Variants in RALYL observed in about 807,000 individuals in gnomAD.
RALYL encodes the protein RALY RNA binding protein like.
In RALYL, 29 loss-of-function variants were observed where a neutral mutation model predicts 35.1. The observed-to-expected ratio is 0.83, with a 90% CI of 0.61 to 1.13. The LOEUF is 1.13. Ranked by LOEUF, RALYL falls within the 50% of genes most tolerant of loss-of-function variation. RALYL has a pLI of 0.00. For synonymous variants in RALYL, 120 were observed against 127.6 expected, an observed-to-expected ratio of 0.94 and a Z score of 0.40; for missense variants, 359 against 360.4, an observed-to-expected ratio of 1.00 and a Z score of 0.03.
chr8:84,758,117 A>AT (rs1811866054), intron 2 of RALYL, among the ~76,000 whole-genome samples: 1 of 152,176 alleles, frequency 6.6e-6, no homozygotes, highest in Non-Finnish European at 1.5e-5. Flanking sequence ...CTGAGGTTTT[A>AT]TTCCATTCGT....
chr8:84,624,900 C>T (rs1366168220), intron 2 of RALYL, among the ~76,000 whole-genome samples: 2 of 152,126 alleles, frequency 1.3e-5, no homozygotes, highest in Non-Finnish European at 2.9e-5. Flanking sequence ...TCCTAAACTT[C>T]TGTGCCCATA....
intron 1 of RALYL, among the ~76,000 whole-genome samples, chr8:84,448,896 C>A (rs897646425): frequency 7.9e-5 from 12 of 151,900 alleles, no homozygotes. Context: ...ACTTTGCATT[C>A]TTCAAAAACA....
chr8:84,359,890 T>TC (rs1852611936), intron 1 of RALYL, among the ~76,000 whole-genome samples: 1 of 151,782 alleles, frequency 6.6e-6, no homozygotes, highest in South Asian at 2.1e-4. Context: ...GTTTTTTTTT[T>TC]TTTTCTTTTA....
At chr8:84,224,949 C>A (rs1042834682) in intron 1 of RALYL, among the ~76,000 whole-genome samples, 1 of 152,170 alleles carries the variant, frequency 6.6e-6, no homozygotes, top group Non-Finnish European at 1.5e-5. Context: ...GCCACTGCAC[C>A]CGGCCACTTC....
chr8:84,792,000 C>G (rs1820894801), intron 3 of RALYL, among the ~76,000 whole-genome samples: 1 of 152,182 alleles, frequency 6.6e-6, no homozygotes, highest in Non-Finnish European at 1.5e-5. Context: ...GGGGAGCATG[C>G]AAACAGGCAG....
chr8:84,760,100 C>T (rs1812338801), intron 2 of RALYL, among the ~76,000 whole-genome samples: 1 of 152,018 alleles, frequency 6.6e-6, no homozygotes, highest in South Asian at 2.1e-4. Context: ...ATCCATGTAC[C>T]CTTAGATATT....
At chr8:84,696,063 T>G (rs187931597) in intron 2 of RALYL, among the ~76,000 whole-genome samples, 1 of 151,952 alleles carries the variant, frequency 6.6e-6, no homozygotes, top group East Asian at 1.9e-4. Flanking sequence ...AAGTTTGTGA[T>G]CACTTGATTA....
chr8:84,706,953 CTG>C (rs1841326774), intron 2 of RALYL, among the ~76,000 whole-genome samples: 1 of 152,146 alleles, frequency 6.6e-6, no homozygotes, highest in African/African-American at 2.4e-5. Flanking sequence ...GCAACTTACT[CTG>C]TACTCAAAGT....
intron 1 of RALYL, among the ~76,000 whole-genome samples, chr8:84,359,675 A>G (rs766938406): frequency 7.2e-5 from 11 of 152,066 alleles, no homozygotes; most frequent in Non-Finnish European, 1.0e-4. Flanking sequence ...TAAAATCTGA[A>G]TTAACTCCTG....
intron 1 of RALYL, among the ~76,000 whole-genome samples, chr8:84,470,949 T>C (rs1244575473): frequency 6.6e-6 from 1 of 152,208 alleles, no homozygotes; most frequent in African/African-American, 2.4e-5. Context: ...GTCATGTTAC[T>C]ATGGGTTAGC....
At chr8:84,237,524 A>AG (rs112454394) in intron 1 of RALYL, among the ~76,000 whole-genome samples, 15,216 of 152,138 alleles carry the variant, frequency 0.1, 1,055 homozygotes, top group African/African-American at 0.2. Flanking sequence ...TTCTGGAAAT[A>AG]ATTTTTTTAA....
chr8:84,619,455 C>A (rs28787675), intron 2 of RALYL, among the ~76,000 whole-genome samples: 2,002 of 147,724 alleles, frequency 0.014, 68 homozygotes, highest in African/African-American at 0.049. Context: ...GGTAGATCTT[C>A]CTCCATCCTT....
At chr8:84,522,249 A>ATT (rs34104122) in intron 1 of RALYL, among the ~76,000 whole-genome samples, 6,413 of 133,844 alleles carry the variant, frequency 0.048, 223 homozygotes, top group Non-Finnish European at 0.052. Flanking sequence ...TAGAAAGGAA[A>ATT]TTTTTTTTTT....
At chr8:84,469,718 G>A (rs1269313073) in intron 1 of RALYL, among the ~76,000 whole-genome samples, 2 of 152,218 alleles carry the variant, frequency 1.3e-5, no homozygotes, top group Non-Finnish European at 2.9e-5. Flanking sequence ...CTGGGCAATG[G>A]CAGGCGCCCC....
At chr8:84,310,731 T>C (rs1021383406) in intron 1 of RALYL, among the ~76,000 whole-genome samples, 13 of 152,132 alleles carry the variant, frequency 8.5e-5, no homozygotes, top group South Asian at 4.1e-4. Context: ...CAGAAGTAAA[T>C]GGCTAATTCT....
At chr8:84,812,046 G>T (rs559574299) in intron 4 of RALYL, among the ~76,000 whole-genome samples, 7 of 152,226 alleles carry the variant, frequency 4.6e-5, no homozygotes, top group East Asian at 3.9e-4. Context: ...TGGTGAACTA[G>T]TGTGATTTTT....
chr8:84,397,077 G>T (rs2042412854), intron 1 of RALYL, among the ~76,000 whole-genome samples: 2 of 152,102 alleles, frequency 1.3e-5, no homozygotes. Context: ...CCTAGTAAGA[G>T]GCAAGCCAGA....
chr8:84,721,931 C>T (rs917148567), intron 2 of RALYL, among the ~76,000 whole-genome samples: 23 of 152,008 alleles, frequency 1.5e-4, no homozygotes, highest in African/African-American at 5.6e-4. Context: ...ACTGGAAATT[C>T]TTGAATTGTA....
chr8:84,711,449 C>T (rs960074950), intron 2 of RALYL, among the ~76,000 whole-genome samples: 3 of 152,112 alleles, frequency 2.0e-5, no homozygotes, highest in Non-Finnish European at 2.9e-5. Context: ...TTTGGTCATC[C>T]AGAAGTCCAA....
Sources: allele counts gnomAD v4.1 joint callset (sites outside exome capture counted in the v4.1 genomes callset), GRCh38; gene constraint gnomAD v4.1.1; transcripts MANE v1.5; gene names NCBI Gene and HGNC (gene_info 2026-07-23, HGNC 2026-07-21).